The following WDR49 variants were observed in gnomAD, a reference collection of about 807,000 sequenced individuals.
The protein encoded by WDR49 is WD repeat domain 49, also known as cilia- and flagella-associated protein 337.
WDR49 carries 107 observed loss-of-function variants against 119.5 expected under a neutral mutation model. That is an observed-to-expected ratio of 0.90 (90% CI 0.77 to 1.05). The LOEUF (loss-of-function observed/expected upper bound fraction) is 1.05, where lower values mean the gene tolerates loss of function less well. Ranked by LOEUF, WDR49 falls within the 50% of genes least tolerant of loss-of-function variation. The pLI, the probability that WDR49 is intolerant of heterozygous loss-of-function variation, is 0.00. For missense variants in WDR49, 1,240 were observed against 1,220.5 expected (o/e 1.02, Z -0.24); for synonymous variants, 425 against 418.8 (o/e 1.01, Z -0.18).
At chr3:167,638,168 C>T (rs1717712046) in intron 2 of WDR49, among the ~76,000 whole-genome samples, 1 of 151,498 alleles carries the variant, frequency 6.6e-6, no homozygotes, top group South Asian at 2.1e-4. Flanking sequence ...TAAAAGGTAT[C>T]TTGTATGGAC....
intron 7 of WDR49, among the ~76,000 whole-genome samples, chr3:167,578,044 T>C (rs1445242091): frequency 6.6e-6 from 1 of 152,158 alleles, no homozygotes; most frequent in South Asian, 2.1e-4. Flanking sequence ...GCCAAAGAAA[T>C]CTTCTTCTAC....
chr3:167,570,608 G>T (rs1255905021), intron 8 of WDR49, among the ~76,000 whole-genome samples: 1 of 152,162 alleles, frequency 6.6e-6, no homozygotes, highest in Non-Finnish European at 1.5e-5. Flanking sequence ...TTTTGAATAT[G>T]ATGGCATAGA....
intron 7 of WDR49, among the ~76,000 whole-genome samples, chr3:167,577,328 A>C (rs971857094): frequency 1.3e-5 from 2 of 151,104 alleles, no homozygotes; most frequent in Non-Finnish European, 3.0e-5. Flanking sequence ...GGAGTGAAAA[A>C]CCTCTCCAAA....
intron 18 of WDR49, among the ~76,000 whole-genome samples, chr3:167,499,059 A>ATGTG (rs1431061672): frequency 6.6e-6 from 1 of 152,208 alleles, no homozygotes; most frequent in African/African-American, 2.4e-5. Context: ...TTGCCCTCAC[A>ATGTG]AGAGCAAGCA....
chr3:167,532,300 T>C (rs1032002191), intron 12 of WDR49, among the ~76,000 whole-genome samples: 2 of 152,132 alleles, frequency 1.3e-5, no homozygotes, highest in Admixed American at 1.3e-4. Flanking sequence ...GAAAAACCTT[T>C]AGTATCTAAG....
intron 17 of WDR49, among the ~76,000 whole-genome samples, chr3:167,502,361 G>A (rs553135073): frequency 6.6e-6 from 1 of 152,308 alleles, no homozygotes; most frequent in South Asian, 2.1e-4. Context: ...GCCTGACACA[G>A]AAAATTGGTA....
intron 18 of WDR49, among the ~76,000 whole-genome samples, chr3:167,480,690 A>G (rs924599804): frequency 6.6e-6 from 1 of 152,254 alleles, no homozygotes; most frequent in African/African-American, 2.4e-5. Flanking sequence ...TACAAAATAT[A>G]AAGAAGCAAA....
chr3:167,579,853 A>T (rs144170995), intron 7 of WDR49, among the ~76,000 whole-genome samples: 47 of 152,226 alleles, frequency 3.1e-4, no homozygotes, highest in Non-Finnish European at 5.4e-4. Context: ...CGTCTTCATC[A>T]TTCAAAATCC....
intron 18 of WDR49, among the ~76,000 whole-genome samples, chr3:167,488,521 T>A (rs1468806537): frequency 2.0e-5 from 3 of 151,980 alleles, no homozygotes; most frequent in Admixed American, 1.3e-4. Context: ...AAAGCTGAAA[T>A]TTTTAAAAAG....
chr3:167,526,521 C>T (rs984244522), intron 15 of WDR49, among the ~76,000 whole-genome samples: 8 of 152,132 alleles, frequency 5.3e-5, no homozygotes, highest in African/African-American at 1.9e-4. Flanking sequence ...TCCAGACTGC[C>T]AGCCATGTCC....
At chr3:167,568,153 G>T (rs1194194226) in intron 8 of WDR49, among the ~76,000 whole-genome samples, 1 of 151,974 alleles carries the variant, frequency 6.6e-6, no homozygotes, top group Admixed American at 6.5e-5. Context: ...TAAAAAATTT[G>T]TTCAGGCAGC....
intron 7 of WDR49, among the ~76,000 whole-genome samples, chr3:167,595,388 C>G (rs1288166531): frequency 1.3e-5 from 2 of 152,134 alleles, no homozygotes; most frequent in Admixed American, 1.3e-4. Context: ...CATATGGAAC[C>G]AAAAAAGAGC....
intron 7 of WDR49, among the ~76,000 whole-genome samples, chr3:167,588,614 A>G (rs1444598622): frequency 3.3e-5 from 5 of 152,256 alleles, no homozygotes; most frequent in East Asian, 3.9e-4. Flanking sequence ...TCTTTTGGAT[A>G]TAAGCCATTT....
intron 7 of WDR49, among the ~76,000 whole-genome samples, chr3:167,583,086 A>G (rs1714633650): frequency 6.6e-6 from 1 of 152,124 alleles, no homozygotes; most frequent in Non-Finnish European, 1.5e-5. Context: ...TTTTCAGGAC[A>G]GAAGTTCATT....
intron 5 of WDR49, among the ~76,000 whole-genome samples, chr3:167,617,560 C>CT (rs377710958): frequency 2.6e-5 from 4 of 151,910 alleles, no homozygotes; most frequent in African/African-American, 9.7e-5. Flanking sequence ...CTTTAAAAAC[C>CT]TTTTTTTTAA....
intron 16 of WDR49, among the ~76,000 whole-genome samples, chr3:167,514,910 A>T (rs1413074190): frequency 1.3e-5 from 2 of 152,158 alleles, no homozygotes; most frequent in African/African-American, 2.4e-5. Flanking sequence ...CTGGACACAA[A>T]CACCCTCTCA....
chr3:167,601,656 A>C (rs1322148333), intron 7 of WDR49, among the ~76,000 whole-genome samples: 3 of 152,144 alleles, frequency 2.0e-5, no homozygotes, highest in Middle Eastern at 3.2e-3. Flanking sequence ...CATAAAACAG[A>C]AATGAACTGA....
upstream of WDR49, among the ~76,000 whole-genome samples, chr3:167,654,163 G>A (rs1335306471): frequency 6.6e-6 from 1 of 151,980 alleles, no homozygotes; most frequent in African/African-American, 2.4e-5. Flanking sequence ...ATTATTTAAA[G>A]ACAACTTTTA....
intron 18 of WDR49, among the ~76,000 whole-genome samples, chr3:167,486,760 A>C (rs571485805): frequency 2.0e-4 from 31 of 152,226 alleles, no homozygotes; most frequent in South Asian, 8.3e-4. Flanking sequence ...AAAAAAATTT[A>C]GACAACCACA....
Sources: allele counts gnomAD v4.1 joint callset (sites outside exome capture counted in the v4.1 genomes callset), GRCh38; gene constraint gnomAD v4.1.1; transcripts MANE v1.5; gene names NCBI Gene and HGNC (gene_info 2026-07-23, HGNC 2026-07-21).